The following AKAP6 variants were observed in gnomAD, a reference collection of about 807,000 sequenced individuals.
AKAP6 encodes the protein A-kinase anchor protein 6.
AKAP6 carries 58 observed loss-of-function variants against 188.5 expected under a neutral mutation model. That is an observed-to-expected ratio of 0.31 (90% CI 0.25 to 0.38). The LOEUF is 0.38. AKAP6 is among the 10% of genes least tolerant of loss of function. AKAP6 has a pLI of 1.00. For missense variants in AKAP6, 2,710 were observed against 2,740.0 expected, an observed-to-expected ratio of 0.99 and a Z score of 0.24; for synonymous variants, 989 against 998.6, an observed-to-expected ratio of 0.99 and a Z score of 0.18.
intron 11 of AKAP6, among the ~76,000 whole-genome samples, chr14:32,762,223 T>C (rs770741290): frequency 9.2e-5 from 14 of 152,128 alleles, no homozygotes; most frequent in Non-Finnish European, 1.9e-4. Flanking sequence ...ATTGCTAAAA[T>C]TGCATACTTT....
intron 12 of AKAP6, among the ~76,000 whole-genome samples, chr14:32,774,193 C>G (rs1213637442): frequency 1.3e-5 from 2 of 152,104 alleles, no homozygotes; most frequent in African/African-American, 2.4e-5. Flanking sequence ...TTAACCTTAC[C>G]AACCTAAGCC....
intron 5 of AKAP6, among the ~76,000 whole-genome samples, chr14:32,587,697 C>G (rs922315725): frequency 6.6e-6 from 1 of 152,202 alleles, no homozygotes; most frequent in African/African-American, 2.4e-5. Context: ...TCAGAAATCT[C>G]ATGACCAACA....
intron 1 of AKAP6, among the ~76,000 whole-genome samples, chr14:32,400,676 G>A (rs576842100): frequency 6.6e-6 from 1 of 150,398 alleles, no homozygotes; most frequent in Non-Finnish European, 1.5e-5. Context: ...CTTGACCAGT[G>A]TCCTCATTGT....
intron 2 of AKAP6, among the ~76,000 whole-genome samples, chr14:32,525,279 G>A (rs1882063755): frequency 6.6e-6 from 1 of 152,194 alleles, no homozygotes; most frequent in African/African-American, 2.4e-5. Context: ...GGTCAAATAA[G>A]TCAGAGCCTG....
intron 9 of AKAP6, among the ~76,000 whole-genome samples, chr14:32,724,079 T>TTC (rs1491310951): frequency 0.1 from 11 of 106 alleles, no homozygotes; most frequent in Non-Finnish European, 0.5. Flanking sequence ...CTTCTTCTTC[T>TTC]TTTTTTTTCC....
At chr14:32,368,764 T>C (rs1308496909) in intron 1 of AKAP6, among the ~76,000 whole-genome samples, 2 of 152,020 alleles carry the variant, frequency 1.3e-5, no homozygotes, top group African/African-American at 4.8e-5. Context: ...GCACCTACTA[T>C]GTACTAGGTG....
chr14:32,434,196 A>T (rs1890310004), intron 2 of AKAP6, among the ~76,000 whole-genome samples: 1 of 152,228 alleles, frequency 6.6e-6, no homozygotes, highest in South Asian at 2.1e-4. Flanking sequence ...TTTGTATGTG[A>T]CTGTTATCTT....
chr14:32,830,045 AGCAAAGCT>A lies in AKAP6; in HGVS notation c.*243_*250del, dbSNP rs776045708. ...CTTTAGGTGATCGTCTTTGAAGTTC[AGCAAAGCT>A]GCTTGTTCTCCCATGGATTCCTGTC... On this transcript the variant is annotated 3_prime_UTR_variant, in exon 14 of 14. Coordinates refer to ENST00000280979, the MANE Select transcript of AKAP6 (RefSeq NM_004274.5). 1.0e-5 allele frequency: 7 copies of A among 685,222 alleles called. No homozygotes were observed. The highest frequency in any genetic ancestry group is 9.1e-5 in the South Asian group (6 of 65,672). The allele number at this position is 685,222 out of a possible 1,614,324, so 42.4% of individuals were successfully genotyped here.
intron 2 of AKAP6, among the ~76,000 whole-genome samples, chr14:32,461,627 C>G (rs1891326062): frequency 6.6e-6 from 1 of 152,112 alleles, no homozygotes; most frequent in Admixed American, 6.6e-5. Context: ...TCAGGAAAAA[C>G]CAGTGCAAAA....
chr14:32,370,319 C>T (rs547025766), intron 1 of AKAP6, among the ~76,000 whole-genome samples: 1 of 152,340 alleles, frequency 6.6e-6, no homozygotes, highest in African/African-American at 2.4e-5. Context: ...TTTCTTGGTC[C>T]TTAGCCACCA....
intron 12 of AKAP6, among the ~76,000 whole-genome samples, chr14:32,793,855 G>T (rs2140063590): frequency 6.7e-6 from 1 of 149,812 alleles, no homozygotes; most frequent in East Asian, 2.0e-4. Flanking sequence ...CATAAAGCAA[G>T]TTCTTGGAGA....
At chr14:32,473,101 T>C (rs1878870763) in intron 2 of AKAP6, among the ~76,000 whole-genome samples, 1 of 152,166 alleles carries the variant, frequency 6.6e-6, no homozygotes, top group South Asian at 2.1e-4. Flanking sequence ...TGAAAAACAG[T>C]TTCTGTGTTT....
At chr14:32,829,448 A>G (rs1382127069) in intron 13 of AKAP6, among the ~76,000 whole-genome samples, 1 of 152,194 alleles carries the variant, frequency 6.6e-6, no homozygotes, top group Admixed American at 6.5e-5. Context: ...ATCATTGTAC[A>G]TTGTAAATAT....
At chr14:32,371,027 A>C (rs1468781480) in intron 1 of AKAP6, among the ~76,000 whole-genome samples, 1 of 152,200 alleles carries the variant, frequency 6.6e-6, no homozygotes, top group Non-Finnish European at 1.5e-5. Flanking sequence ...TGTTAGTTTA[A>C]ATAGTAGTAC....
rs1426604381 is a variant in AKAP6 at position 32,824,694 on chromosome 14, A to T, written c.6881A>T (p.His2294Leu). The T allele has an allele frequency of 6.2e-7, 1 of 1,613,980 alleles. No individual in the cohort carries two copies. Among genetic ancestry groups the T allele is most frequent in the South Asian group, 1.1e-5 (1 of 91,084 alleles). The change falls in exon 13 of 14, where the codon CAT becomes CTT. Residue 2294 changes from histidine (H) to leucine (L), a missense_variant. His to Leu is a moderately conservative substitution (Grantham distance 99). Around this residue, in one of 2 missense-constraint regions of AKAP6, gnomAD observed 2,473 missense variants for 2,426.1 expected, o/e 1.02. Transcript: ENST00000280979. ...ANQPTDKAAL[H>L]PSPKTLTCEE... ...CAGCCAACAGACAAGGCCGCATTGC[A>T]TCCCAGCCCCAAAACTTTAACCTGT... is the stretch of plus-strand genomic sequence containing the variant.
intron 11 of AKAP6, among the ~76,000 whole-genome samples, chr14:32,754,252 A>G (rs1042973782): frequency 2.0e-5 from 3 of 152,114 alleles, no homozygotes; most frequent in African/African-American, 4.8e-5. Context: ...TCATTATAAA[A>G]TGACCATCTT....
intron 8 of AKAP6, among the ~76,000 whole-genome samples, chr14:32,692,699 A>G (rs10151252): frequency 0.16 from 24,435 of 152,112 alleles, 2,806 homozygotes; most frequent in East Asian, 0.43. Context: ...ATTTATCATC[A>G]TTCACCAGGG....
intron 7 of AKAP6, among the ~76,000 whole-genome samples, chr14:32,612,669 TTATTA>T (rs1220525572): frequency 6.6e-6 from 1 of 152,198 alleles, no homozygotes; most frequent in East Asian, 1.9e-4. Flanking sequence ...TGTGAATTTA[TTATTA>T]TATTCATACT....
At chr14:32,796,458 A>C (rs2033771602) in intron 12 of AKAP6, among the ~76,000 whole-genome samples, 1 of 152,206 alleles carries the variant, frequency 6.6e-6, no homozygotes, top group Non-Finnish European at 1.5e-5. Context: ...AACAGAATAG[A>C]GAACTCAGGA....
Sources: allele counts gnomAD v4.1 joint callset (sites outside exome capture counted in the v4.1 genomes callset), GRCh38; gene constraint gnomAD v4.1.1; regional missense constraint gnomAD v4.1.1; transcripts MANE v1.5; gene names NCBI Gene and HGNC (gene_info 2026-07-23, HGNC 2026-07-21).